NCS1: variants seen among roughly 807,000 people sequenced by gnomAD.
NCS1 encodes the protein neuronal calcium sensor 1.
NCS1 carries 6 observed loss-of-function variants against 28.4 expected under a neutral mutation model. The ratio of observed to expected loss-of-function variants is 0.21; its 90% CI spans 0.12 to 0.42. The LOEUF is 0.42. Among genes scored for constraint, NCS1 ranks in the 10% least tolerant of loss-of-function variants. The pLI is 1.00. For synonymous variants in NCS1, 86 were observed against 99.3 expected (o/e 0.87, Z 0.79); for missense variants, 131 against 241.4 (o/e 0.54, Z 3.03).
intron 1 of NCS1, among the ~76,000 whole-genome samples, chr9:130,183,745 TTCTTTC>T (rs376084338): frequency 0.042 from 6,377 of 150,598 alleles, 164 homozygotes; most frequent in Middle Eastern, 0.065. Context: ...TCTTCCTTCC[TTCTTTC>T]TCTTTCTCTT....
chr9:130,229,447 G>A (rs1554911829), intron 7 of NCS1, among the ~76,000 whole-genome samples: 1 of 151,934 alleles, frequency 6.6e-6, no homozygotes, highest in East Asian at 1.9e-4. Context: ...TAGAGATGGG[G>A]TTTCAGCATG....
At chr9:130,222,600 C>T in intron 4 of NCS1, 50 bp from the exon 5 acceptor site, 5 of 1,556,878 alleles carry the variant, frequency 3.2e-6, no homozygotes, top group African/African-American at 1.4e-5. Context: ...TTGAAGACCC[C>T]TCCCCACTGC....
chr9:130,204,578 T>C (rs1330095663), intron 2 of NCS1, among the ~76,000 whole-genome samples: 2 of 152,186 alleles, frequency 1.3e-5, no homozygotes, highest in Non-Finnish European at 2.9e-5. Context: ...TGCGAGCCAC[T>C]GCGCCCGCCT....
chr9:130,231,185 T>C (rs1220702273), intron 7 of NCS1, among the ~76,000 whole-genome samples: 1 of 151,928 alleles, frequency 6.6e-6, no homozygotes, highest in African/African-American at 2.4e-5. Context: ...ACCCTGTCTC[T>C]ACCAAAAATA....
intron 2 of NCS1, among the ~76,000 whole-genome samples, chr9:130,212,982 C>G (rs1554908936): frequency 6.6e-6 from 1 of 152,156 alleles, no homozygotes; most frequent in African/African-American, 2.4e-5. Context: ...TCAGACCCCC[C>G]CATCCCGTCT....
chr9:130,206,599 G>A (rs1055891687), intron 2 of NCS1, among the ~76,000 whole-genome samples: 3 of 151,892 alleles, frequency 2.0e-5, no homozygotes, highest in South Asian at 2.1e-4. Context: ...AGTAGAGGTG[G>A]TGATTTCACC....
rs1832647250 is a variant in NCS1, at chr9:130,181,086, C to T, written c.64+8359C>T. Among the ~76,000 whole-genome samples the T allele has an allele frequency of 6.6e-6, 1 of 152,160 alleles. No individual in the cohort carries two copies. Among genetic ancestry groups the T allele is most frequent in the Non-Finnish European group, 1.5e-5 (1 of 68,030 alleles). ...ACTAGTTCCCTCTGGGACTCAGTTT[C>T]CCTTTCTGTACCATGTTCAAATTCC... On this transcript the variant is annotated intron_variant, in intron 1 of 7. Coordinates refer to ENST00000372398, the MANE Select transcript of NCS1 (RefSeq NM_014286.4). The surrounding 1 kb of genome is among the most constrained non-coding windows in gnomAD (Gnocchi z 5.0).
chr9:130,193,811 AAGG>A (rs1320312429), intron 1 of NCS1: 4 of 152,834 alleles, frequency 2.6e-5, no homozygotes, highest in African/African-American at 9.7e-5. Context: ...GCGCTTCTGG[AAGG>A]AGGACAGTCA....
chr9:130,219,503 T>C lies in NCS1; in HGVS notation c.229-222T>C, dbSNP rs529658334. 2.0e-5 allele frequency among the ~76,000 whole-genome samples: 3 copies of C among 152,152 alleles called. No individual in the cohort carries two copies. The East Asian group carries it at 5.8e-4, about 30-fold the overall frequency. Reference sequence around the variant, plus strand: ...AGTCCTTCTTCCTGTGCCTCCCTCCTGGCCTCTCCCACTTCTAACCCCCCA... The same window carrying C: ...AGTCCTTCTTCCTGTGCCTCCCTCCCGGCCTCTCCCACTTCTAACCCCCCA... On this transcript the variant is annotated intron_variant, in intron 3 of 7. Transcript: ENST00000372398. This position sits in a 1 kb window ranked among gnomAD's most constrained non-coding sequence, Gnocchi z 5.7.
chr9:130,178,235 C>T (rs1002906958), intron 1 of NCS1, among the ~76,000 whole-genome samples: 5 of 152,214 alleles, frequency 3.3e-5, no homozygotes, highest in African/African-American at 4.8e-5. Context: ...GCATCCAGGG[C>T]AGGTGGCCTG....
In NCS1 at chr9:130,180,313, C is replaced by T. The variant is rs797024068; in HGVS notation, c.64+7586C>T. Among the ~76,000 whole-genome samples, 6 of 152,168 alleles carry T rather than the reference C, an allele frequency of 3.9e-5. No homozygotes were observed. Among genetic ancestry groups the T allele is most frequent in the African/African-American group, 1.4e-4 (6 of 41,534 alleles). ...CCTCCCAAAGTGCTGGGATTACAGG[C>T]GTGAGCCACCACGCCTGGCCTAGGG... On this transcript the variant is annotated intron_variant, in intron 1 of 7. Coordinates refer to ENST00000372398, the MANE Select transcript of NCS1 (RefSeq NM_014286.4). This position sits in a 1 kb window ranked among gnomAD's most constrained non-coding sequence, Gnocchi z 4.5.
rs141154651 is a variant in NCS1, at chr9:130,177,863, C to T, written c.64+5136C>T. On this transcript the variant is annotated intron_variant, in intron 1 of 7. Transcript: ENST00000372398. The surrounding 1 kb of genome is among the most constrained non-coding windows in gnomAD (Gnocchi z 4.4). Reference sequence around the variant, plus strand: ...CTGGGAGGGAAGGAGGGCTCAGGGGCGAGTTCTGCGGTTCTGGCCCCTTCC... The same window carrying T: ...CTGGGAGGGAAGGAGGGCTCAGGGGTGAGTTCTGCGGTTCTGGCCCCTTCC... 2.7e-3 allele frequency among the ~76,000 whole-genome samples: 416 copies of T among 152,260 alleles called. 4 individuals are homozygous for T. The highest frequency in any genetic ancestry group is 9.5e-3 in the African/African-American group (393 of 41,554).
chr9:130,202,322 G>C (rs1407484070), intron 2 of NCS1, among the ~76,000 whole-genome samples: 1 of 151,970 alleles, frequency 6.6e-6, no homozygotes, highest in Non-Finnish European at 1.5e-5. Flanking sequence ...CCCTCTGCCT[G>C]CTGGGCTGTT....
In NCS1 at chr9:130,236,508, ATTAAC is replaced by A. The variant is rs1346209162; in HGVS notation, c.*3541_*3545del. On this transcript the variant is annotated 3_prime_UTR_variant, in exon 8 of 8. Transcript: ENST00000372398. ...TAGGCCATCCCTGGATAGCAAGTGA[ATTAAC>A]TTAAGGGCACTGTGATGGGAAGCCT... The A allele has an allele frequency of 6.7e-6, 1 of 149,992 alleles. No homozygotes were observed. The highest frequency in any genetic ancestry group is 6.6e-5 in the Admixed American group (1 of 15,042). The allele number at this position is 149,992 out of a possible 1,614,324, so 9.3% of individuals were successfully genotyped here.
chr9:130,210,712 G>A (rs1415942797), intron 2 of NCS1, among the ~76,000 whole-genome samples: 5 of 152,154 alleles, frequency 3.3e-5, no homozygotes, highest in Non-Finnish European at 2.9e-5. Context: ...GAGGGGAACC[G>A]TCACCTGCCC....
chr9:130,182,676 C>T (rs1554905241), intron 1 of NCS1, among the ~76,000 whole-genome samples: 2 of 152,184 alleles, frequency 1.3e-5, no homozygotes, highest in African/African-American at 2.4e-5. Flanking sequence ...AGGTGCTGAC[C>T]GTGTGTGGGC....
intron 1 of NCS1, among the ~76,000 whole-genome samples, chr9:130,176,449 G>A (rs1433563831): frequency 6.6e-6 from 1 of 152,014 alleles, no homozygotes; most frequent in African/African-American, 2.4e-5. Flanking sequence ...TCCTGCCTTG[G>A]CTTCCCAAAG....
At chr9:130,173,481 A>T (rs1564699987) in intron 1 of NCS1, among the ~76,000 whole-genome samples, 1 of 152,150 alleles carries the variant, frequency 6.6e-6, no homozygotes, top group Non-Finnish European at 1.5e-5. Flanking sequence ...ACAACTCTGC[A>T]GTCCCCTTGC....
intron 1 of NCS1, among the ~76,000 whole-genome samples, chr9:130,194,242 G>C (rs1317548557): frequency 6.6e-6 from 1 of 150,830 alleles, no homozygotes; most frequent in Non-Finnish European, 1.5e-5. Flanking sequence ...TCCTGGGACT[G>C]GCTCTCGTGT....
Sources: allele counts gnomAD v4.1 joint callset (sites outside exome capture counted in the v4.1 genomes callset), GRCh38; gene constraint gnomAD v4.1.1; non-coding constraint Gnocchi (gnomAD v3.1); transcripts MANE v1.5; gene names NCBI Gene and HGNC (gene_info 2026-07-23, HGNC 2026-07-21).